Variants in AKAP6 observed in about 807,000 individuals in gnomAD.
AKAP6 encodes the protein A-kinase anchoring protein 6.
A neutral mutation model predicts 188.5 loss-of-function variants in AKAP6; 58 were observed. The ratio of observed to expected loss-of-function variants is 0.31; its 90% CI spans 0.25 to 0.38. The LOEUF (loss-of-function observed/expected upper bound fraction) is 0.38, where lower values mean the gene tolerates loss of function less well. AKAP6 is among the 10% of genes least tolerant of loss of function. The pLI is 1.00. For synonymous variants in AKAP6, 989 were observed against 998.6 expected, an observed-to-expected ratio of 0.99 and a Z score of 0.18; for missense variants, 2,710 against 2,740.0, an observed-to-expected ratio of 0.99 and a Z score of 0.24.
At chr14:32,405,963 A>G (rs1889277985) in intron 1 of AKAP6, among the ~76,000 whole-genome samples, 1 of 152,220 alleles carries the variant, frequency 6.6e-6, no homozygotes, top group South Asian at 2.1e-4. Context: ...GAATGACAGA[A>G]TTGATATAAC....
intron 1 of AKAP6, among the ~76,000 whole-genome samples, chr14:32,354,480 G>A (rs1887412256): frequency 6.6e-6 from 1 of 152,138 alleles, no homozygotes; most frequent in African/African-American, 2.4e-5. Context: ...TTAGCGTGGT[G>A]TCTGGCACAA....
intron 9 of AKAP6, among the ~76,000 whole-genome samples, chr14:32,709,200 G>T (rs1890938064): frequency 6.6e-6 from 1 of 152,004 alleles, no homozygotes. Context: ...AAGATCCAGG[G>T]ATACCATGAG....
chr14:32,335,842 C>CT (rs375076849), intron 1 of AKAP6, among the ~76,000 whole-genome samples: 1,081 of 93,908 alleles, frequency 0.012, 5 homozygotes, highest in East Asian at 0.022. Flanking sequence ...TCCTTTTCTC[C>CT]TTTTTTTTTT....
chr14:32,469,091 G>A (rs1487475971), intron 2 of AKAP6, among the ~76,000 whole-genome samples: 1 of 152,108 alleles, frequency 6.6e-6, no homozygotes, highest in Non-Finnish European at 1.5e-5. Context: ...GACTCATGGG[G>A]TGTACTGTGA....
chr14:32,523,792 A>G (rs749501307), intron 2 of AKAP6, among the ~76,000 whole-genome samples: 2 of 58,650 alleles, frequency 3.4e-5, no homozygotes, highest in Non-Finnish European at 6.6e-5. Context: ...CCTCCTGATT[A>G]AAAAAAAAAA....
intron 12 of AKAP6, among the ~76,000 whole-genome samples, chr14:32,788,562 C>G (rs371312951): frequency 6.6e-6 from 1 of 152,154 alleles, no homozygotes; most frequent in African/African-American, 2.4e-5. Flanking sequence ...TGGCACGGAG[C>G]GAAAGGAACC....
chr14:32,511,053 G>A (rs1881230593), intron 2 of AKAP6, among the ~76,000 whole-genome samples: 1 of 152,180 alleles, frequency 6.6e-6, no homozygotes, highest in African/African-American at 2.4e-5. Flanking sequence ...CAGTCCTGGA[G>A]CACAAATCCT....
At chr14:32,569,744 T>C (rs1884385850) in intron 4 of AKAP6, among the ~76,000 whole-genome samples, 1 of 152,182 alleles carries the variant, frequency 6.6e-6, no homozygotes. Context: ...TAATTTTACT[T>C]TTCTAAAAAA....
intron 1 of AKAP6, among the ~76,000 whole-genome samples, chr14:32,402,526 G>A (rs368261415): frequency 2.0e-3 from 303 of 152,124 alleles, no homozygotes; most frequent in African/African-American, 7.0e-3. Context: ...TTGAAGCCTT[G>A]CCTGACAACC....
intron 4 of AKAP6, among the ~76,000 whole-genome samples, chr14:32,572,026 G>A (rs1950702): frequency 0.24 from 36,361 of 152,162 alleles, 4,734 homozygotes; most frequent in East Asian, 0.58. Context: ...GAGAAGGGTA[G>A]GAGACTTAGG....
chr14:32,566,511 C>A (rs1884193897), intron 4 of AKAP6, among the ~76,000 whole-genome samples: 1 of 151,978 alleles, frequency 6.6e-6, no homozygotes, highest in South Asian at 2.1e-4. Flanking sequence ...TGCTCTGAAC[C>A]CTTTAAGAGA....
chr14:32,819,637 G>A (rs1359935465), intron 12 of AKAP6, among the ~76,000 whole-genome samples: 2 of 152,110 alleles, frequency 1.3e-5, no homozygotes, highest in African/African-American at 4.8e-5. Context: ...ACACTAGAGC[G>A]ATTCTGCATG....
intron 8 of AKAP6, among the ~76,000 whole-genome samples, chr14:32,692,234 G>C (rs1025763093): frequency 7.2e-5 from 11 of 152,118 alleles, no homozygotes; most frequent in Admixed American, 7.2e-4. Context: ...AGTGACTTTT[G>C]TTCGAAGGCC....
At chr14:32,660,219 A>G (rs898423873) in intron 7 of AKAP6, among the ~76,000 whole-genome samples, 1 of 152,128 alleles carries the variant, frequency 6.6e-6, no homozygotes, top group Non-Finnish European at 1.5e-5. Flanking sequence ...AATAAATGCA[A>G]CAACCAGTTG....
Position 32,730,869 on chromosome 14 carries a change from C to T in AKAP6, c.3001-1585C>T, listed in dbSNP as rs117609593. 1.3e-3 allele frequency among the ~76,000 whole-genome samples: 205 copies of T among 152,224 alleles called. 5 individuals carry two copies. In the East Asian group the frequency reaches 0.033, roughly 25 times the overall value. The stretch of plus-strand genomic sequence containing the variant: ...ACACTATCTAGGTTTCTAGAATGCT[C>T]CTGAATATTGAATCCAGAAAATTCA... On this transcript the variant is annotated intron_variant, in intron 9 of 13. Transcript: ENST00000280979.
In AKAP6 at chr14:32,835,589, A is replaced by G. The variant is rs991477462; in HGVS notation, c.*5784A>G. The G allele has an allele frequency of 2.6e-5, 4 of 152,166 alleles. No homozygotes were observed. The highest frequency in any genetic ancestry group is 9.6e-5 in the African/African-American group (4 of 41,458). The allele number at this position is 152,166 out of a possible 1,614,324, so 9.4% of individuals were successfully genotyped here. On this transcript the variant is annotated 3_prime_UTR_variant, in exon 14 of 14. Coordinates refer to ENST00000280979, the MANE Select transcript of AKAP6 (RefSeq NM_004274.5). The stretch of plus-strand genomic sequence containing the variant: ...GCCATTTCACAGTCAGTTTTTTTCA[A>G]ATTCATTTTTCAACTCAAAGGCAAA...
chr14:32,710,277 G>A (rs976386854), intron 9 of AKAP6, among the ~76,000 whole-genome samples: 7 of 151,492 alleles, frequency 4.6e-5, no homozygotes, highest in East Asian at 1.9e-4. Context: ...TATTTATGTC[G>A]GAGTGAGCAT....
At chr14:32,384,146 G>A (rs1195194834) in intron 1 of AKAP6, among the ~76,000 whole-genome samples, 2 of 152,190 alleles carry the variant, frequency 1.3e-5, no homozygotes, top group East Asian at 1.9e-4. Context: ...CTATGATGGC[G>A]CAAAATCCCT....
intron 4 of AKAP6, among the ~76,000 whole-genome samples, chr14:32,554,386 C>A (rs1717390349): frequency 6.6e-6 from 1 of 152,210 alleles, no homozygotes; most frequent in Admixed American, 6.5e-5. Context: ...GAAGTAGATT[C>A]TTTCATTTAA....
Sources: gnomAD v4.1 joint callset for allele counts (sites outside exome capture counted in the v4.1 genomes callset) on GRCh38, gnomAD v4.1.1 for gene constraint, MANE v1.5 for transcripts, NCBI Gene and HGNC (gene_info 2026-07-23, HGNC 2026-07-21) for gene names.